The following TNNC2 variants were observed in gnomAD, a reference collection of about 807,000 sequenced individuals.
TNNC2 encodes the protein troponin C, skeletal muscle.
A neutral mutation model predicts 20.0 loss-of-function variants in TNNC2; 14 were observed. That is an observed-to-expected ratio of 0.70 (90% CI 0.46 to 1.09). TNNC2 has a LOEUF of 1.09. Among genes scored for constraint, TNNC2 ranks in the 50% least tolerant of loss-of-function variants. The pLI is 0.00. For synonymous variants in TNNC2, 81 were observed against 77.3 expected, an observed-to-expected ratio of 1.05 and a Z score of -0.25; for missense variants, 163 against 223.8, an observed-to-expected ratio of 0.73 and a Z score of 1.73.
chr20:45,827,512 C>T (rs1601057014), upstream of TNNC2, among the ~76,000 whole-genome samples: 1 of 152,118 alleles, frequency 6.6e-6, no homozygotes, highest in South Asian at 2.1e-4. Flanking sequence ...CAGGCCTTGA[C>T]GTCCTAGATT....
At chr20:45,828,715 A>C (rs548077873), upstream of TNNC2, among the ~76,000 whole-genome samples, 5 of 152,218 alleles carry the variant, frequency 3.3e-5, no homozygotes, top group Admixed American at 1.3e-4. Context: ...GGGAGTAGGC[A>C]AGGCTTGTAG....
intron 2 of TNNC2, 58 bp from the exon 3 acceptor site, chr20:45,824,696 A>AACCC: frequency 4.3e-6 from 6 of 1,385,636 alleles, no homozygotes; most frequent in South Asian, 1.3e-5. Flanking sequence ...CCTCACACCT[A>AACCC]CCCCCCCCCA....
Position 45,824,550 on chromosome 20 carries a change from G to T in TNNC2, c.144C>A (p.Gly48=). ...KELGTVMRML[G]QTPTKEELDA... is the part of the protein sequence containing the mutation. ...CCAGCTCCTCCTTGGTGGGTGTCTGGCCCAGCATCCTCATCACCGTGCCCA... is the reference window on the plus strand; with the variant it reads ...CCAGCTCCTCCTTGGTGGGTGTCTGTCCCAGCATCCTCATCACCGTGCCCA... Residue 48 remains glycine (G), a synonymous_variant, in exon 3 of 6, where the codon GGC becomes GGA. Transcript: ENST00000372555. 1 of 1,613,444 alleles carries T rather than the reference G, an allele frequency of 6.2e-7. No homozygotes were observed.
At position 45,824,378 on chromosome 20, in the gene TNNC2, G is replaced by A; in HGVS notation, c.228C>T (p.Phe76=). Residue 76 remains phenylalanine (F), a synonymous_variant, in exon 4 of 6, where the codon TTC becomes TTT. Coordinates refer to ENST00000372555, the MANE Select transcript of TNNC2 (RefSeq NM_003279.3). ...DGSGTIDFEE[F]LVMMVRQMKE... is the part of the protein sequence containing the mutation. The stretch of plus-strand genomic sequence containing the variant: ...TCATCTGGCGCACCATCATGACCAA[G>A]AACTCCTCGAAGTCGATGGTGCCGC... 6.2e-7 allele frequency: 1 copy of A among 1,610,810 alleles called. No homozygotes were observed. Among genetic ancestry groups the A allele is most frequent in the Non-Finnish European group, 8.5e-7 (1 of 1,179,998 alleles).
upstream of TNNC2, among the ~76,000 whole-genome samples, chr20:45,828,411 A>G (rs1332520248): frequency 2.0e-5 from 3 of 152,162 alleles, no homozygotes; most frequent in Non-Finnish European, 4.4e-5. Flanking sequence ...ACCTGTCCAG[A>G]TGGAAAAATG....
upstream of TNNC2, among the ~76,000 whole-genome samples, chr20:45,828,354 T>C (rs1010287709): frequency 6.6e-6 from 1 of 152,128 alleles, no homozygotes; most frequent in African/African-American, 2.4e-5. Context: ...ATGATTCTTA[T>C]TATTAATCCT....
intron 1 of TNNC2, among the ~76,000 whole-genome samples, chr20:45,826,153 G>A (rs1344144259): frequency 6.6e-6 from 1 of 152,192 alleles, no homozygotes; most frequent in Non-Finnish European, 1.5e-5. Context: ...GTTTTCTGCA[G>A]CTCCTAATGG....
chr20:45,826,857 C>G (rs1385099869), intron 1 of TNNC2, among the ~76,000 whole-genome samples: 1 of 152,176 alleles, frequency 6.6e-6, no homozygotes, highest in Non-Finnish European at 1.5e-5. Context: ...AGGAGGCTTT[C>G]TTCTCTCCAT....
chr20:45,823,463 G>T lies in TNNC2; in HGVS notation c.452-84C>A. The T allele has an allele frequency of 7.2e-7, 1 of 1,382,062 alleles. No homozygotes were observed. The highest frequency in any genetic ancestry group is 9.9e-7 in the Non-Finnish European group (1 of 1,012,684). The allele number at this position is 1,382,062 out of a possible 1,614,324, so 85.6% of individuals were successfully genotyped here. A position where few individuals can be genotyped will look rare whatever the true frequency, so the allele number is the denominator to read the frequency against. On this transcript the variant is annotated intron_variant, in intron 5 of 5. Coordinates refer to ENST00000372555, the MANE Select transcript of TNNC2 (RefSeq NM_003279.3). The surrounding 1 kb of genome is among the most constrained non-coding windows in gnomAD (Gnocchi z 4.6). Reference sequence around the variant, plus strand: ...AGGGCTCCAGCCACACAGAGGGGATGACTTTTTGTTTTTGTTTTTGTTGAG... The same window carrying T: ...AGGGCTCCAGCCACACAGAGGGGATTACTTTTTGTTTTTGTTTTTGTTGAG...
chr20:45,826,596 C>G (rs1332822721), intron 1 of TNNC2, among the ~76,000 whole-genome samples: 1 of 152,224 alleles, frequency 6.6e-6, no homozygotes, highest in Admixed American at 6.5e-5. Flanking sequence ...TTCCCTATGC[C>G]AGGAGGGCAG....
chr20:45,824,228 C>T (rs1457841830), intron 4 of TNNC2, 64 bp downstream of exon 4: 17 of 1,601,104 alleles, frequency 1.1e-5, no homozygotes, highest in Non-Finnish European at 1.4e-5. Flanking sequence ...GGGGAAGCTT[C>T]CAGCGCTGCC....
chr20:45,824,707 A>ACCCCCCCCCT, intron 2 of TNNC2, 69 bp from the exon 3 acceptor site: 1 of 870,712 alleles, frequency 1.1e-6, no homozygotes, highest in Non-Finnish European at 1.6e-6. Flanking sequence ...CCCCCCCCCA[A>ACCCCCCCCCT]CCCCCACCCT....
intron 1 of TNNC2, among the ~76,000 whole-genome samples, 186 bp from the exon 2 acceptor site, chr20:45,825,020 G>C (rs541324716): frequency 5.3e-5 from 8 of 152,298 alleles, no homozygotes; most frequent in Admixed American, 5.2e-4. Flanking sequence ...GTCTCGTTCT[G>C]TCACACATGC....
chr20:45,828,317 C>T (rs961027073), upstream of TNNC2, among the ~76,000 whole-genome samples: 1 of 151,826 alleles, frequency 6.6e-6, no homozygotes, highest in Non-Finnish European at 1.5e-5. Flanking sequence ...GAATTACAGT[C>T]ATGAGGCACC....
At chr20:45,824,696 A>AACCCCCCC in intron 2 of TNNC2, 58 bp from the exon 3 acceptor site, 9 of 1,385,644 alleles carry the variant, frequency 6.5e-6, no homozygotes, top group South Asian at 1.3e-5. Flanking sequence ...CCTCACACCT[A>AACCCCCCC]CCCCCCCCCA....
In TNNC2 at chr20:45,824,696, A is replaced by C. The variant is rs1487647552; in HGVS notation, c.56-58T>G. On this transcript the variant is annotated intron_variant, in intron 2 of 5. Coordinates refer to ENST00000372555, the MANE Select transcript of TNNC2 (RefSeq NM_003279.3). The stretch of plus-strand genomic sequence containing the variant: ...CTGCTGGACTGTCAGCCTCACACCT[A>C]CCCCCCCCCAACCCCCACCCTGCCT... 1,377 of 1,386,010 alleles carry C rather than the reference A, an allele frequency of 9.9e-4. 4 individuals carry two copies. In the African/African-American group the frequency reaches 0.017, roughly 17 times the overall value. The allele number at this position is 1,386,010 out of a possible 1,614,324, so 85.9% of individuals were successfully genotyped here.
At chr20:45,830,196 T>G (rs1450280245), upstream of TNNC2, among the ~76,000 whole-genome samples, 1 of 150,214 alleles carries the variant, frequency 6.7e-6, no homozygotes, top group Non-Finnish European at 1.5e-5. Flanking sequence ...TGCTGCTGGG[T>G]GTGGTGGTGG....
rs1350893519 is a variant in TNNC2, at chr20:45,824,238, C to G, written c.314+54G>C. ...AACACGGGGAAGCTTCCAGCGCTGC[C>G]GGCCGGGTTCTGACTGCTAAGCCCC... is the stretch of plus-strand genomic sequence containing the variant. On this transcript the variant is annotated intron_variant, in intron 4 of 5. Transcript: ENST00000372555. 8 of 1,601,984 alleles carry G rather than the reference C, an allele frequency of 5.0e-6. No individual in the cohort carries two copies. The Admixed American group carries it at 6.7e-5, about 13-fold the overall frequency.
At chr20:45,829,817 G>A (rs1427989029), upstream of TNNC2, among the ~76,000 whole-genome samples, 2 of 149,500 alleles carry the variant, frequency 1.3e-5, no homozygotes, top group Admixed American at 6.6e-5. Flanking sequence ...ATGTTGGCCA[G>A]GCTGGTCTCA....
Sources: allele counts gnomAD v4.1 joint callset (sites outside exome capture counted in the v4.1 genomes callset), GRCh38; gene constraint gnomAD v4.1.1; non-coding constraint Gnocchi (gnomAD v3.1); transcripts MANE v1.5; gene names NCBI Gene and HGNC (gene_info 2026-07-23, HGNC 2026-07-21).